Variants in TMEM163 observed in about 807,000 individuals in gnomAD.
TMEM163 encodes the protein transmembrane protein 163.
Under a neutral mutation model 29.3 loss-of-function variants are expected in TMEM163, and 17 were observed. That is an observed-to-expected ratio of 0.58 (90% CI 0.40 to 0.87). The LOEUF is 0.87. Ranked by LOEUF, TMEM163 falls within the 40% of genes least tolerant of loss-of-function variation. TMEM163 has a pLI of 0.00. For synonymous variants in TMEM163, 157 were observed against 160.6 expected (o/e 0.98, Z 0.17); for missense variants, 303 against 381.5 (o/e 0.79, Z 1.71).
chr2:134,505,947 T>C (rs1042390789), intron 4 of TMEM163, among the ~76,000 whole-genome samples: 39 of 152,250 alleles, frequency 2.6e-4, no homozygotes, highest in African/African-American at 9.1e-4. Flanking sequence ...CGAACATCAA[T>C]GGATTCATCC....
intron 4 of TMEM163, among the ~76,000 whole-genome samples, chr2:134,541,627 T>C (rs1039435877): frequency 6.6e-6 from 1 of 152,190 alleles, no homozygotes; most frequent in Admixed American, 6.5e-5. Flanking sequence ...CGCACAGCTA[T>C]CAAAAAATAA....
rs191566326 is a variant in TMEM163 at position 134,675,350 on chromosome 2, A to G, written c.322+37850T>C. Among the ~76,000 whole-genome samples the G allele has an allele frequency of 2.0e-5, 3 of 152,358 alleles. No individual in the cohort carries two copies. In the East Asian group the frequency reaches 5.8e-4, roughly 29 times the overall value. On this transcript the variant is annotated intron_variant, in intron 2 of 7. Transcript: ENST00000281924. ...AAGAAATCTAAACCATGTAGGCATA[A>G]GGAGAATTTATATCTGGGTTTAAAC...
At chr2:134,704,576 C>T (rs1286792217) in intron 2 of TMEM163, among the ~76,000 whole-genome samples, 1 of 152,160 alleles carries the variant, frequency 6.6e-6, no homozygotes, top group Non-Finnish European at 1.5e-5. Flanking sequence ...CTTAGTCCCT[C>T]GCCCCACTGC....
At chr2:134,562,114 AG>A (rs1231612489) in intron 2 of TMEM163, among the ~76,000 whole-genome samples, 1 of 152,202 alleles carries the variant, frequency 6.6e-6, no homozygotes, top group Non-Finnish European at 1.5e-5. Flanking sequence ...GCTTGTTTCT[AG>A]GTAAACTCAT....
At chr2:134,482,431 G>A (rs1407497426) in intron 5 of TMEM163, among the ~76,000 whole-genome samples, 1 of 152,164 alleles carries the variant, frequency 6.6e-6, no homozygotes, top group Non-Finnish European at 1.5e-5. Flanking sequence ...ATGTGAGCCA[G>A]CAAGCGGAAT....
chr2:134,675,284 G>A (rs1056271858), intron 2 of TMEM163, among the ~76,000 whole-genome samples: 2 of 152,186 alleles, frequency 1.3e-5, no homozygotes, highest in African/African-American at 2.4e-5. Context: ...CTCAGATCAT[G>A]CAGTGACTTT....
At chr2:134,693,460 T>A (rs917003528) in intron 2 of TMEM163, among the ~76,000 whole-genome samples, 1 of 151,784 alleles carries the variant, frequency 6.6e-6, no homozygotes, top group African/African-American at 2.4e-5. Flanking sequence ...TAGAAAAAAA[T>A]TAGCCGGGCA....
At chr2:134,676,024 C>G (rs971957041) in intron 2 of TMEM163, among the ~76,000 whole-genome samples, 2 of 152,142 alleles carry the variant, frequency 1.3e-5, no homozygotes, top group Non-Finnish European at 2.9e-5. Flanking sequence ...CTAAGCTCAG[C>G]TCTTAATTCA....
At position 134,489,460 on chromosome 2, in the gene TMEM163, C is replaced by A. The variant is rs1191316539; in HGVS notation, c.555+13441G>T. Among the ~76,000 whole-genome samples, 4 of 151,832 alleles carry A rather than the reference C, an allele frequency of 2.6e-5. No homozygotes were observed. The East Asian group carries it at 7.7e-4, about 29-fold the overall frequency. ...AGGTGCAGTGGTGGGCACTGTAGTC[C>A]CAGCTATTTGGGAGGCTGAGGCAGG... On this transcript the variant is annotated intron_variant, in intron 5 of 7. Transcript: ENST00000281924.
intron 2 of TMEM163, among the ~76,000 whole-genome samples, chr2:134,712,099 T>C (rs572504843): frequency 6.6e-6 from 1 of 152,316 alleles, no homozygotes; most frequent in East Asian, 1.9e-4. Context: ...TAAAAAACGT[T>C]TATACTCTGG....
At chr2:134,466,523 A>G (rs776151411) in intron 5 of TMEM163, 4 of 303,686 alleles carry the variant, frequency 1.3e-5, no homozygotes, top group Non-Finnish European at 2.5e-5. Flanking sequence ...TCATAGATCA[A>G]TAACAGAGTT....
chr2:134,568,613 AAAAG>A (rs1333938574), intron 2 of TMEM163, among the ~76,000 whole-genome samples: 1 of 151,542 alleles, frequency 6.6e-6, no homozygotes, highest in Admixed American at 6.6e-5. Flanking sequence ...AGAAAGAAGG[AAAAG>A]AAAGAAAAAA....
chr2:134,485,765 C>T (rs150547216), intron 5 of TMEM163, among the ~76,000 whole-genome samples: 15 of 152,308 alleles, frequency 9.8e-5, no homozygotes, highest in East Asian at 5.8e-4. Context: ...AGCAAATCAA[C>T]AGGTCTGATC....
intron 2 of TMEM163, among the ~76,000 whole-genome samples, chr2:134,641,575 G>A (rs1574302185): frequency 6.6e-6 from 1 of 152,206 alleles, no homozygotes; most frequent in Non-Finnish European, 1.5e-5. Context: ...ATATCTGGCA[G>A]AGGAGCCACT....
chr2:134,609,988 A>T (rs1411747966), intron 2 of TMEM163, among the ~76,000 whole-genome samples: 1 of 152,168 alleles, frequency 6.6e-6, no homozygotes, highest in Non-Finnish European at 1.5e-5. Context: ...GCAGAGAGAG[A>T]AAATCAAAGC....
At position 134,503,088 on chromosome 2, in the gene TMEM163, G is replaced by A. The variant is rs878885030; in HGVS notation, c.459-91C>T. 2.8e-5 allele frequency: 36 copies of A among 1,277,450 alleles called. No homozygotes were observed. The South Asian group carries it at 4.5e-4, about 16-fold the overall frequency. 79.1% of individuals were successfully genotyped at this position (1,277,450 alleles called of 1,614,324 possible). ...TTGACAGTGACAAAGACACAATCTG[G>A]GAATGAACTCAATTGTAATTTGCCA... is the stretch of plus-strand genomic sequence containing the variant. On this transcript the variant is annotated intron_variant, in intron 4 of 7. Transcript: ENST00000281924.
At chr2:134,701,394 G>A (rs1684701136) in intron 2 of TMEM163, among the ~76,000 whole-genome samples, 1 of 152,188 alleles carries the variant, frequency 6.6e-6, no homozygotes, top group Admixed American at 6.5e-5. Context: ...TGGTAGCACA[G>A]TATAATAAAG....
intron 2 of TMEM163, among the ~76,000 whole-genome samples, chr2:134,594,137 C>T (rs529652985): frequency 4.2e-4 from 64 of 152,162 alleles, no homozygotes; most frequent in Non-Finnish European, 7.6e-4. Flanking sequence ...CAGCAGAAAA[C>T]GTGTGTATCT....
At chr2:134,712,809 A>G (rs1199276303) in intron 2 of TMEM163, among the ~76,000 whole-genome samples, 1 of 152,112 alleles carries the variant, frequency 6.6e-6, no homozygotes, top group East Asian at 1.9e-4. Flanking sequence ...GGAAAAGGAG[A>G]GGGCTCGCTG....
Sources: gnomAD v4.1 joint callset for allele counts (sites outside exome capture counted in the v4.1 genomes callset) on GRCh38, gnomAD v4.1.1 for gene constraint, MANE v1.5 for transcripts, NCBI Gene and HGNC (gene_info 2026-07-23, HGNC 2026-07-21) for gene names.